The following CPVL variants were observed in gnomAD, a reference collection of about 807,000 sequenced individuals.
The protein encoded by CPVL is carboxypeptidase vitellogenic like.
In CPVL, 51 loss-of-function variants were observed where a neutral mutation model predicts 63.7. The ratio of observed to expected loss-of-function variants is 0.80; its 90% CI spans 0.64 to 1.01. CPVL has a LOEUF of 1.01. Among genes scored for constraint, CPVL ranks in the 50% least tolerant of loss-of-function variants. The pLI is 0.00. For synonymous variants in CPVL, 195 were observed against 206.0 expected (o/e 0.95, Z 0.46); for missense variants, 530 against 573.1 (o/e 0.92, Z 0.77).
intron 6 of CPVL, among the ~76,000 whole-genome samples, chr7:29,092,216 TAAG>T (rs1235291696): frequency 2.0e-5 from 3 of 149,678 alleles, no homozygotes; most frequent in South Asian, 2.1e-4. Context: ...AAAACTTTCA[TAAG>T]AAGAAGAGAG....
intron 7 of CPVL, 34 bp downstream of exon 7, chr7:29,086,450 T>C (rs2128597088): frequency 3.4e-6 from 5 of 1,476,188 alleles, no homozygotes; most frequent in East Asian, 2.3e-5. Context: ...CTGGTGATGT[T>C]TGAAGCACAC....
chr7:29,015,292 G>A (rs1301233600), intron 12 of CPVL, among the ~76,000 whole-genome samples: 1 of 152,092 alleles, frequency 6.6e-6, no homozygotes, highest in Non-Finnish European at 1.5e-5. Context: ...CATACCCCAA[G>A]GGCAGTGGTA....
chr7:29,054,945 C>G (rs1406615231), intron 11 of CPVL, among the ~76,000 whole-genome samples: 5 of 152,150 alleles, frequency 3.3e-5, no homozygotes, highest in Non-Finnish European at 5.9e-5. Flanking sequence ...TTAATGATTA[C>G]AATTTGTTCT....
upstream of CPVL, chr7:29,148,385 A>G (rs1793074421): frequency 1.3e-5 from 2 of 152,246 alleles, no homozygotes; most frequent in African/African-American, 4.8e-5. Context: ...CTGCAGTTTT[A>G]GTAACCTCAA....
At chr7:29,028,710 A>T (rs317747) in intron 12 of CPVL, among the ~76,000 whole-genome samples, 24,132 of 152,112 alleles carry the variant, frequency 0.16, 1,967 homozygotes, top group Middle Eastern at 0.24. Flanking sequence ...CAAGCCTGTA[A>T]TCCCAGCACC....
chr7:29,113,491 T>C (rs780015265), intron 2 of CPVL, among the ~76,000 whole-genome samples: 4 of 152,142 alleles, frequency 2.6e-5, no homozygotes, highest in Middle Eastern at 3.4e-3. Flanking sequence ...TATGGCACCA[T>C]TGGGACAGGC....
chr7:28,999,895 C>CTG (rs141465337), intron 12 of CPVL, among the ~76,000 whole-genome samples: 15,697 of 152,176 alleles, frequency 0.1, 939 homozygotes, highest in African/African-American at 0.16. Context: ...ATAAACCACT[C>CTG]TTGTTTATAA....
chr7:29,188,198 T>C (rs1390995570), intron 1 of CPVL, among the ~76,000 whole-genome samples: 1 of 152,238 alleles, frequency 6.6e-6, no homozygotes, highest in Non-Finnish European at 1.5e-5. Flanking sequence ...TGGACTTTTA[T>C]GCTTTAGACA....
intron 1 of CPVL, among the ~76,000 whole-genome samples, chr7:29,188,156 C>G (rs533382173): frequency 6.6e-6 from 1 of 152,324 alleles, no homozygotes; most frequent in African/African-American, 2.4e-5. Context: ...ATACTTTGCT[C>G]TAAGGAACAG....
intron 10 of CPVL, among the ~76,000 whole-genome samples, chr7:29,065,058 A>T (rs959025139): frequency 5.7e-4 from 2 of 3,506 alleles, no homozygotes; most frequent in Admixed American, 3.7e-3. Context: ...AAGCTTATTA[A>T]AAAAAAAACT....
rs910620388 is a variant in CPVL at position 29,165,261 on chromosome 7, C to T, written c.-11+16029G>A. Among the ~76,000 whole-genome samples the T allele has an allele frequency of 1.1e-4, 17 of 152,184 alleles. No homozygotes were observed. In the Middle Eastern group the frequency reaches 0.01, roughly 92 times the overall value. On this transcript the variant is annotated intron_variant, in intron 5 of 16. Transcript: ENST00000409850. Reference sequence around the variant, plus strand: ...ATAAAGGTCTTGCATAAGTTTTCTTCAAACCAATACTTAAGTTCATATTTT... The same window carrying T: ...ATAAAGGTCTTGCATAAGTTTTCTTTAAACCAATACTTAAGTTCATATTTT...
chr7:29,127,733 G>T (rs1790184100), intron 1 of CPVL, among the ~76,000 whole-genome samples: 1 of 152,166 alleles, frequency 6.6e-6, no homozygotes, highest in Admixed American at 6.5e-5. Flanking sequence ...TCATTCCAGA[G>T]GGGTCCTGCC....
chr7:29,026,553 T>C (rs1787511421), intron 12 of CPVL, among the ~76,000 whole-genome samples: 1 of 151,890 alleles, frequency 6.6e-6, no homozygotes, highest in Non-Finnish European at 1.5e-5. Flanking sequence ...TAAAAAAGCC[T>C]GTTTTTAAAA....
intron 12 of CPVL, among the ~76,000 whole-genome samples, chr7:29,023,316 G>A (rs1421769369): frequency 6.6e-6 from 1 of 152,224 alleles, no homozygotes. Flanking sequence ...CAAAGGAGAA[G>A]CAAAGGCCCA....
chr7:29,026,446 T>C (rs1352712522), intron 12 of CPVL, among the ~76,000 whole-genome samples: 4 of 151,976 alleles, frequency 2.6e-5, no homozygotes, highest in African/African-American at 7.2e-5. Context: ...CCCATTATCT[T>C]TTGTTCTAAA....
chr7:29,074,881 C>A lies in CPVL; in HGVS notation c.610-2458G>T, dbSNP rs1584184080. ...TTCTTTCAAAACTATATTATGGAAA[C>A]CATGACTGACACATGATAGAGCAAA... On this transcript the variant is annotated intron_variant, in intron 7 of 12. Coordinates refer to ENST00000265394, the MANE Select transcript of CPVL (RefSeq NM_031311.5). Among the ~76,000 whole-genome samples the A allele has an allele frequency of 2.0e-5, 3 of 151,782 alleles. No individual in the cohort carries two copies. The East Asian group carries it at 5.8e-4, about 29-fold the overall frequency.
intron 2 of CPVL, among the ~76,000 whole-genome samples, chr7:29,116,181 G>C (rs979328882): frequency 2.0e-5 from 3 of 152,140 alleles, no homozygotes; most frequent in Non-Finnish European, 2.9e-5. Flanking sequence ...ACCAAGATTG[G>C]CTTATTTCTA....
intron 5 of CPVL, among the ~76,000 whole-genome samples, chr7:29,161,778 T>C (rs1415372900): frequency 1.3e-5 from 2 of 152,170 alleles, no homozygotes; most frequent in Non-Finnish European, 2.9e-5. Flanking sequence ...TTGCAAATCA[T>C]ATGTAAAAGA....
At chr7:29,046,794 C>CT (rs770236492) in intron 11 of CPVL, among the ~76,000 whole-genome samples, 3 of 152,144 alleles carry the variant, frequency 2.0e-5, no homozygotes, top group Admixed American at 6.5e-5. Flanking sequence ...GCCAAAGCTC[C>CT]TGGAGACTGT....
Sources: allele counts gnomAD v4.1 joint callset (sites outside exome capture counted in the v4.1 genomes callset), GRCh38; gene constraint gnomAD v4.1.1; transcripts MANE v1.5; gene names NCBI Gene and HGNC (gene_info 2026-07-23, HGNC 2026-07-21).